The following GMDS variants were observed in gnomAD, a reference collection of about 807,000 sequenced individuals.
The protein encoded by GMDS is GDP-mannose 4,6-dehydratase.
A neutral mutation model predicts 49.9 loss-of-function variants in GMDS; 20 were observed. The observed-to-expected ratio is 0.40, with a 90% CI of 0.28 to 0.58. GMDS has a LOEUF of 0.58. Among genes scored for constraint, GMDS ranks in the 20% least tolerant of loss-of-function variants. The pLI, the probability that GMDS is intolerant of heterozygous loss-of-function variation, is 0.42. For missense variants in GMDS, 362 were observed against 481.4 expected (o/e 0.75, Z 2.32); for synonymous variants, 177 against 178.6 (o/e 0.99, Z 0.07).
At chr6:2,226,917 T>C (rs539650920) in intron 1 of GMDS, among the ~76,000 whole-genome samples, 1 of 152,154 alleles carries the variant, frequency 6.6e-6, no homozygotes, top group Non-Finnish European at 1.5e-5. Context: ...GAAAGAATCA[T>C]CCAGGAATGA....
intron 7 of GMDS, among the ~76,000 whole-genome samples, chr6:1,923,656 C>T (rs528427891): frequency 6.6e-6 from 1 of 152,242 alleles, no homozygotes; most frequent in Non-Finnish European, 1.5e-5. Context: ...CTCCCTCCTA[C>T]AAGCGGTTGA....
Position 2,082,187 on chromosome 6 carries a change from CACAA to C in GMDS, c.345+33580_345+33583del, listed in dbSNP as rs1235575409. 4.6e-5 allele frequency among the ~76,000 whole-genome samples: 7 copies of C among 152,316 alleles called. No homozygotes were observed. The East Asian group carries it at 1.2e-3, about 25-fold the overall frequency. ...TTACACACACGTGTGCGCACACACACACAAACACACACTCAAACAAAATCCATGG... is the reference window on the plus strand; with the variant it reads ...TTACACACACGTGTGCGCACACACACACACACACTCAAACAAAATCCATGG... On this transcript the variant is annotated intron_variant, in intron 4 of 10. Transcript: ENST00000380815.
intron 4 of GMDS, among the ~76,000 whole-genome samples, chr6:1,969,824 C>G (rs1248588571): frequency 1.3e-5 from 2 of 152,176 alleles, no homozygotes; most frequent in Non-Finnish European, 2.9e-5. Flanking sequence ...ACTCTAAGTA[C>G]AGAGAAAGCA....
intron 6 of GMDS, among the ~76,000 whole-genome samples, chr6:1,956,428 A>G (rs1169940610): frequency 6.6e-6 from 1 of 152,114 alleles, no homozygotes; most frequent in Non-Finnish European, 1.5e-5. Flanking sequence ...ACTTTTCCCC[A>G]CTTTTGAAAG....
At chr6:1,897,991 G>A (rs987967852) in intron 7 of GMDS, among the ~76,000 whole-genome samples, 4 of 124,176 alleles carry the variant, frequency 3.2e-5, no homozygotes, top group East Asian at 5.1e-4. Context: ...GGCCTCCCTT[G>A]CCATCCTGGA....
chr6:1,825,903 C>T (rs758080925), intron 7 of GMDS, among the ~76,000 whole-genome samples: 3 of 152,174 alleles, frequency 2.0e-5, no homozygotes, highest in Non-Finnish European at 4.4e-5. Context: ...GTAATCCCAG[C>T]TACTTGGGTG....
chr6:1,707,430 T>G (rs899670940), intron 9 of GMDS, among the ~76,000 whole-genome samples: 3 of 152,170 alleles, frequency 2.0e-5, no homozygotes, highest in African/African-American at 7.2e-5. Context: ...GCCACACAGT[T>G]GAGAGAAGTA....
intron 7 of GMDS, among the ~76,000 whole-genome samples, chr6:1,873,793 G>A (rs947194461): frequency 6.6e-6 from 1 of 152,112 alleles, no homozygotes; most frequent in Admixed American, 6.5e-5. Flanking sequence ...GTGACAGCAG[G>A]AAAACACAAC....
At chr6:1,747,636 C>T (rs1057369401) in intron 7 of GMDS, among the ~76,000 whole-genome samples, 1 of 152,142 alleles carries the variant, frequency 6.6e-6, no homozygotes, top group Admixed American at 6.5e-5. Context: ...CATTCACATG[C>T]GTTTCATCTC....
chr6:1,872,369 T>C (rs552071152), intron 7 of GMDS, among the ~76,000 whole-genome samples: 1 of 152,364 alleles, frequency 6.6e-6, no homozygotes, highest in South Asian at 2.1e-4. Flanking sequence ...CTGATGTATG[T>C]GCCCAATAGC....
At chr6:1,831,899 T>C (rs1756663988) in intron 7 of GMDS, among the ~76,000 whole-genome samples, 1 of 152,144 alleles carries the variant, frequency 6.6e-6, no homozygotes, top group African/African-American at 2.4e-5. Context: ...CATAAGAATT[T>C]TTGTAAATAC....
In GMDS at chr6:1,778,550, T is replaced by C. The variant is rs1265579649; in HGVS notation, c.772-35964A>G. On this transcript the variant is annotated intron_variant, in intron 7 of 10. Transcript: ENST00000380815. This position sits in a 1 kb window ranked among gnomAD's most constrained non-coding sequence, Gnocchi z 4.6. ...CCAAGATCTAAAATAGGTTAGTTTG[T>C]AAAACATGCCATAAAACAGAAATTT... Among the ~76,000 whole-genome samples, 1 of 152,198 alleles carries C rather than the reference T, an allele frequency of 6.6e-6. No homozygotes were observed. The highest frequency in any genetic ancestry group is 1.5e-5 in the Non-Finnish European group (1 of 68,036).
rs148534425 is a variant in GMDS, at chr6:2,227,769, G to A, written c.102+17552C>T. 2.6e-3 allele frequency among the ~76,000 whole-genome samples: 390 copies of A among 152,316 alleles called. 1 individual carries two copies. The highest frequency in any genetic ancestry group is 9.0e-3 in the African/African-American group (376 of 41,574). On this transcript the variant is annotated intron_variant, in intron 1 of 10. Coordinates refer to ENST00000380815, the MANE Select transcript of GMDS (RefSeq NM_001500.4). The stretch of plus-strand genomic sequence containing the variant: ...GTCACAATAGCAGCTGAATCTCAGT[G>A]GCCATGACAGCAAGGCAACAACGGG...
intron 4 of GMDS, among the ~76,000 whole-genome samples, chr6:2,110,909 A>G (rs1264265115): frequency 6.6e-6 from 1 of 152,174 alleles, no homozygotes; most frequent in Non-Finnish European, 1.5e-5. Flanking sequence ...TTCAAAACTA[A>G]AAAAAAGACT....
intron 4 of GMDS, among the ~76,000 whole-genome samples, chr6:2,088,541 A>T: frequency 6.6e-6 from 1 of 152,210 alleles, no homozygotes; most frequent in South Asian, 2.1e-4. Context: ...GGTTGTACAA[A>T]ATAAATAGTT....
chr6:1,675,955 A>G (rs1397724385), intron 9 of GMDS, among the ~76,000 whole-genome samples: 2 of 152,176 alleles, frequency 1.3e-5, no homozygotes, highest in African/African-American at 4.8e-5. Flanking sequence ...TAAACTAGAA[A>G]ATCTAGAAGA....
intron 4 of GMDS, among the ~76,000 whole-genome samples, chr6:2,017,310 T>C (rs914688898): frequency 7.3e-6 from 1 of 137,720 alleles, no homozygotes; most frequent in Non-Finnish European, 1.5e-5. Context: ...ATTCTTTTTA[T>C]TTTTTTTTTT....
chr6:2,059,728 T>A (rs1221635948), intron 4 of GMDS, among the ~76,000 whole-genome samples: 202 of 48,494 alleles, frequency 4.2e-3, no homozygotes, highest in Non-Finnish European at 5.2e-3. Context: ...AAAAAAAAAA[T>A]GCACTACTGT....
intron 7 of GMDS, among the ~76,000 whole-genome samples, chr6:1,750,969 G>A (rs909241650): frequency 2.6e-5 from 4 of 152,156 alleles, no homozygotes; most frequent in African/African-American, 4.8e-5. Context: ...GTTCAAATGC[G>A]GCGGAGCCCA....
Sources: allele counts gnomAD v4.1 joint callset (sites outside exome capture counted in the v4.1 genomes callset), GRCh38; gene constraint gnomAD v4.1.1; non-coding constraint Gnocchi (gnomAD v3.1); transcripts MANE v1.5; gene names NCBI Gene and HGNC (gene_info 2026-07-23, HGNC 2026-07-21).